Variants in AMPH observed in about 807,000 individuals in gnomAD.
AMPH encodes amphiphysin.
In AMPH, 49 loss-of-function variants were observed where a neutral mutation model predicts 99.1. The observed-to-expected ratio is 0.49, with a 90% CI of 0.39 to 0.63. The LOEUF (loss-of-function observed/expected upper bound fraction) is 0.63. AMPH is among the 20% of genes least tolerant of loss of function. The probability of loss-of-function intolerance (pLI) is 0.00; values close to 1 mark genes in which losing one functional copy is unlikely to be tolerated. For synonymous variants in AMPH, 314 were observed against 317.3 expected (o/e 0.99, Z 0.11); for missense variants, 759 against 863.4 (o/e 0.88, Z 1.52).
intron 1 of AMPH, among the ~76,000 whole-genome samples, chr7:38,572,091 G>C (rs1562836216): frequency 6.6e-6 from 1 of 152,068 alleles, no homozygotes; most frequent in East Asian, 1.9e-4. Context: ...TTTTAGTAGA[G>C]ACGGGGTTTC....
At chr7:38,515,773 T>C (rs1019509683) in intron 2 of AMPH, among the ~76,000 whole-genome samples, 11 of 152,222 alleles carry the variant, frequency 7.2e-5, no homozygotes, top group African/African-American at 2.4e-4. Flanking sequence ...TAGAGACTCA[T>C]TAAATTGTTG....
chr7:38,457,948 T>C (rs924026791), intron 11 of AMPH, among the ~76,000 whole-genome samples: 3 of 152,214 alleles, frequency 2.0e-5, no homozygotes, highest in Non-Finnish European at 4.4e-5. Context: ...TGTGTATATA[T>C]GTCACATATA....
intron 17 of AMPH, among the ~76,000 whole-genome samples, chr7:38,402,879 G>A (rs1784881054): frequency 3.3e-5 from 5 of 151,974 alleles, no homozygotes; most frequent in Admixed American, 2.6e-4. Flanking sequence ...TCTATATGCT[G>A]GGTTTTTTCT....
chr7:38,560,672 T>C (rs1310908384), intron 1 of AMPH, among the ~76,000 whole-genome samples: 1 of 152,246 alleles, frequency 6.6e-6, no homozygotes, highest in East Asian at 1.9e-4. Flanking sequence ...AGTAGCACAA[T>C]GCATGTTTGT....
intron 1 of AMPH, among the ~76,000 whole-genome samples, chr7:38,548,386 T>C (rs1791065887): frequency 6.6e-6 from 1 of 152,208 alleles, no homozygotes; most frequent in Non-Finnish European, 1.5e-5. Context: ...ATTAAACAGC[T>C]ATGTTATTTA....
rs558820621 is a variant in AMPH at position 38,472,997 on chromosome 7, G to C, written c.590+2334C>G. Among the ~76,000 whole-genome samples, 91 of 152,286 alleles carry C rather than the reference G, an allele frequency of 6.0e-4. 4 individuals carry two copies. In the South Asian group the frequency reaches 0.018, roughly 30 times the overall value. ...ATCAATGCTAGTTTTGGATGTAGTAGAGATCACTAGAAAAACCTTAGTTAT... is the reference window on the plus strand; with the variant it reads ...ATCAATGCTAGTTTTGGATGTAGTACAGATCACTAGAAAAACCTTAGTTAT... On this transcript the variant is annotated intron_variant, in intron 7 of 20. Transcript: ENST00000356264.
intron 1 of AMPH, among the ~76,000 whole-genome samples, chr7:38,579,013 T>G (rs1792349336): frequency 6.6e-6 from 1 of 152,208 alleles, no homozygotes. Flanking sequence ...ATGAGAGTGA[T>G]GAAAGCAAAT....
intron 5 of AMPH, among the ~76,000 whole-genome samples, chr7:38,484,742 G>C (rs1007525253): frequency 1.2e-4 from 18 of 151,730 alleles, no homozygotes; most frequent in African/African-American, 3.4e-4. Context: ...TTCAATTCTA[G>C]TATAAAAGTC....
intron 2 of AMPH, among the ~76,000 whole-genome samples, chr7:38,514,679 T>C (rs75544006): frequency 0.094 from 14,269 of 152,256 alleles, 910 homozygotes; most frequent in East Asian, 0.19. Context: ...TTTTCCGTTT[T>C]GTGTACTTGC....
At chr7:38,466,271 G>C in intron 7 of AMPH, 23 bp from the exon 8 acceptor site, 1 of 1,557,416 alleles carries the variant, frequency 6.4e-7, no homozygotes, top group Non-Finnish European at 8.7e-7. Flanking sequence ...AACACAAAGA[G>C]GAAAGAAGAG....
At chr7:38,501,185 A>C (rs1399524117) in intron 3 of AMPH, among the ~76,000 whole-genome samples, 1 of 151,982 alleles carries the variant, frequency 6.6e-6, no homozygotes, top group African/African-American at 2.4e-5. Context: ...TATTTTAAAA[A>C]ATCACTTTTT....
rs528654644 is a variant in AMPH, at chr7:38,393,569, T to C, written c.1608+436A>G. On this transcript the variant is annotated intron_variant, in intron 18 of 20. Coordinates refer to ENST00000356264, the MANE Select transcript of AMPH (RefSeq NM_001635.4). ...TGGGCTCTTGGTAAAAGGGGCCTGA[T>C]GGTGAATTTGGGGCACTCTAATGAT... 7.2e-5 allele frequency among the ~76,000 whole-genome samples: 11 copies of C among 152,330 alleles called. 1 individual carries two copies. The South Asian group carries it at 2.3e-3, about 32-fold the overall frequency.
At chr7:38,515,102 G>A (rs568418540) in intron 2 of AMPH, among the ~76,000 whole-genome samples, 1 of 152,298 alleles carries the variant, frequency 6.6e-6, no homozygotes, top group African/African-American at 2.4e-5. Flanking sequence ...CCATTCTGGT[G>A]ATGTCTCAGA....
At chr7:38,407,298 G>GAT (rs1785069334) in intron 17 of AMPH, among the ~76,000 whole-genome samples, 4 of 139,084 alleles carry the variant, frequency 2.9e-5, no homozygotes, top group South Asian at 4.9e-4. Context: ...TATATAGAGA[G>GAT]AGAGAGAGAC....
chr7:38,422,203 GT>G (rs1380626218), intron 16 of AMPH, among the ~76,000 whole-genome samples: 2 of 152,200 alleles, frequency 1.3e-5, no homozygotes, highest in Non-Finnish European at 2.9e-5. Flanking sequence ...TAGGAGACTA[GT>G]TTTTGCTGGA....
At chr7:38,505,922 T>C (rs1184183529) in intron 2 of AMPH, among the ~76,000 whole-genome samples, 3 of 152,218 alleles carry the variant, frequency 2.0e-5, no homozygotes, top group African/African-American at 7.2e-5. Context: ...CTACCAGATC[T>C]GTCATTGGAG....
chr7:38,624,066 T>A (rs925090842), intron 1 of AMPH, among the ~76,000 whole-genome samples: 1 of 152,214 alleles, frequency 6.6e-6, no homozygotes, highest in African/African-American at 2.4e-5. Context: ...GAAACCCTTA[T>A]GATAATTTCA....
intron 1 of AMPH, among the ~76,000 whole-genome samples, chr7:38,594,748 G>A (rs1166968852): frequency 6.6e-6 from 1 of 152,026 alleles, no homozygotes; most frequent in Non-Finnish European, 1.5e-5. Context: ...AAAACTATGG[G>A]CCAAACAAAC....
intron 17 of AMPH, among the ~76,000 whole-genome samples, chr7:38,414,278 G>T (rs1229078987): frequency 6.6e-6 from 1 of 152,176 alleles, no homozygotes; most frequent in Non-Finnish European, 1.5e-5. Flanking sequence ...AACCAAAGTT[G>T]TCCCCAGAAT....
Sources: gnomAD v4.1 joint callset for allele counts (sites outside exome capture counted in the v4.1 genomes callset) on GRCh38, gnomAD v4.1.1 for gene constraint, MANE v1.5 for transcripts, NCBI Gene and HGNC (gene_info 2026-07-23, HGNC 2026-07-21) for gene names.